TSHR: variants seen among roughly 807,000 people sequenced by gnomAD.
TSHR encodes thyrotropin receptor.
A neutral mutation model predicts 64.1 loss-of-function variants in TSHR; 51 were observed. That is an observed-to-expected ratio of 0.80 (90% CI 0.64 to 1.01). The LOEUF (loss-of-function observed/expected upper bound fraction) is 1.01. Among genes scored for constraint, TSHR ranks in the 50% least tolerant of loss-of-function variants. The pLI, the probability that TSHR is intolerant of heterozygous loss-of-function variation, is 0.00. For missense variants in TSHR, 877 were observed against 942.8 expected, an observed-to-expected ratio of 0.93 and a Z score of 0.91; for synonymous variants, 361 against 361.9, an observed-to-expected ratio of 1.00 and a Z score of 0.03.
chr14:80,957,319 CTAGCCCT>C (rs2139675132), intron 1 of TSHR, among the ~76,000 whole-genome samples: 1 of 152,256 alleles, frequency 6.6e-6, no homozygotes, highest in Non-Finnish European at 1.5e-5. Context: ...GAACCTAACC[CTAGCCCT>C]TAGACATTGT....
intron 1 of TSHR, among the ~76,000 whole-genome samples, chr14:80,975,584 T>A (rs1336483012): frequency 6.6e-6 from 1 of 152,224 alleles, no homozygotes; most frequent in Non-Finnish European, 1.5e-5. Flanking sequence ...CTCTTCTGAT[T>A]TTTTTACTCC....
chr14:81,043,285 C>T (rs1885010783), intron 1 of TSHR, among the ~76,000 whole-genome samples: 1 of 152,058 alleles, frequency 6.6e-6, no homozygotes. Context: ...CATTCCTGTA[C>T]ACAAACAACA....
At chr14:81,099,164 C>A (rs1889407943) in intron 7 of TSHR, among the ~76,000 whole-genome samples, 1 of 152,114 alleles carries the variant, frequency 6.6e-6, no homozygotes, top group Admixed American at 6.6e-5. Context: ...GAGTCCAATA[C>A]AGAGCAAAAG....
intron 7 of TSHR, among the ~76,000 whole-genome samples, chr14:81,099,208 C>CT (rs1889411620): frequency 6.6e-6 from 1 of 151,986 alleles, no homozygotes; most frequent in East Asian, 1.9e-4. Flanking sequence ...CATTATCAGT[C>CT]TTCTTGTCCA....
chr14:81,081,048 G>A (rs1037082102), intron 3 of TSHR, among the ~76,000 whole-genome samples: 6 of 152,158 alleles, frequency 3.9e-5, no homozygotes, highest in Admixed American at 6.5e-5. Context: ...GCAGAGGCAC[G>A]AACCTTTAGT....
At chr14:80,996,710 AG>A (rs1295948140) in intron 1 of TSHR, among the ~76,000 whole-genome samples, 1 of 151,994 alleles carries the variant, frequency 6.6e-6, no homozygotes, top group Non-Finnish European at 1.5e-5. Context: ...GTAGTGGGGG[AG>A]GGGGGACTCT....
At chr14:81,071,583 G>A (rs575541155) in intron 3 of TSHR, among the ~76,000 whole-genome samples, 3 of 152,052 alleles carry the variant, frequency 2.0e-5, no homozygotes, top group South Asian at 4.1e-4. Context: ...GGACAACATA[G>A]TGAGATCTTG....
intron 1 of TSHR, among the ~76,000 whole-genome samples, chr14:81,002,484 G>A (rs1168283793): frequency 6.6e-6 from 1 of 152,164 alleles, no homozygotes; most frequent in African/African-American, 2.4e-5. Flanking sequence ...GTTAATCTAT[G>A]TAAAGTGCTT....
chr14:81,088,986 CTTTTTT>C (rs60086198), intron 4 of TSHR, among the ~76,000 whole-genome samples: 1 of 125,756 alleles, frequency 8.0e-6, no homozygotes, highest in Non-Finnish European at 1.7e-5. Context: ...AAAATAGTTG[CTTTTTT>C]TTTTTTTTTT....
rs1014032729 is a variant in TSHR at position 81,115,455 on chromosome 14, T to C, written c.692+7003T>C. Reference sequence around the variant, plus strand: ...GCGATGGAAGATGAAATGAATGAAATGAAGCGAGAAGGGAAGTTTAGAGAA... The same window carrying C: ...GCGATGGAAGATGAAATGAATGAAACGAAGCGAGAAGGGAAGTTTAGAGAA... On this transcript the variant is annotated intron_variant, in intron 8 of 9. Transcript: ENST00000298171. Among the ~76,000 whole-genome samples, 4 of 142,936 alleles carry C rather than the reference T, an allele frequency of 2.8e-5. 1 individual carries two copies. Among genetic ancestry groups the C allele is most frequent in the African/African-American group, 1.1e-4 (4 of 35,232 alleles). The allele number at this position is 142,936 out of a possible 152,430, so 93.8% of individuals were successfully genotyped here.
In TSHR at chr14:81,143,766, C is replaced by T; in HGVS notation, c.1708C>T (p.Leu570=). 6.2e-7 allele frequency: 1 copy of T among 1,614,030 alleles called. No individual in the cohort carries two copies. Among genetic ancestry groups the T allele is most frequent in the Non-Finnish European group, 8.5e-7 (1 of 1,180,004 alleles). The change falls in exon 10 of 10, where the codon CTG becomes TTG. Residue 570 remains leucine (L), a synonymous_variant. Coordinates refer to ENST00000298171, the MANE Select transcript of TSHR (RefSeq NM_000369.5). Reference sequence around the variant, plus strand: ...TAGCTATGCCAAAGTCAGTATCTGCCTGCCCATGGACACCGAGACCCCTCT... The same window carrying T: ...TAGCTATGCCAAAGTCAGTATCTGCTTGCCCATGGACACCGAGACCCCTCT... ...ISSYAKVSIC[L]PMDTETPLAL... is the part of the protein sequence containing the mutation.
chr14:81,092,695 C>A, intron 6 of TSHR, 87 bp downstream of exon 6: 1 of 1,204,592 alleles, frequency 8.3e-7, no homozygotes, highest in Non-Finnish European at 1.2e-6. Context: ...AAGAGCCATA[C>A]TGCCTTATCA....
chr14:80,962,430 C>T (rs1887085339), intron 1 of TSHR, among the ~76,000 whole-genome samples: 1 of 152,176 alleles, frequency 6.6e-6, no homozygotes, highest in Admixed American at 6.5e-5. Context: ...TGGGACAAAT[C>T]CTTTCTGGCT....
At position 81,143,213 on chromosome 14, in the gene TSHR, T is replaced by C. The variant is rs1891774262; in HGVS notation, c.1155T>C (p.Tyr385=). The C allele has an allele frequency of 6.2e-7, 1 of 1,614,224 alleles. No individual in the cohort carries two copies. The highest frequency in any genetic ancestry group is 1.1e-5 in the South Asian group (1 of 91,080). ...CTCTACAAGCTTTTGACAGCCATTA[T>C]GACTACACCATATGTGGGGACAGTG... ...EETLQAFDSH[Y]DYTICGDSED... The change falls in exon 10 of 10, where the codon TAT becomes TAC. Residue 385 remains tyrosine (Y), a synonymous_variant. Transcript: ENST00000298171.
At chr14:81,108,499 T>C (rs959287746) in intron 8 of TSHR, 47 bp downstream of exon 8, 1 of 1,593,556 alleles carries the variant, frequency 6.3e-7, no homozygotes, top group East Asian at 2.2e-5. Flanking sequence ...TTTTTCTTTT[T>C]TTTTTTTTGG....
chr14:81,125,496 A>T lies in TSHR; in HGVS notation c.693-14183A>T, dbSNP rs550468723. Reference sequence around the variant, plus strand: ...CTCAGCCCTGACTATATTATTGCTGATACCTCTGTCACAGCCACTGAGCTG... The same window carrying T: ...CTCAGCCCTGACTATATTATTGCTGTTACCTCTGTCACAGCCACTGAGCTG... On this transcript the variant is annotated intron_variant, in intron 8 of 9. Transcript: ENST00000298171. 4.6e-5 allele frequency among the ~76,000 whole-genome samples: 7 copies of T among 152,252 alleles called. No homozygotes were observed. The East Asian group carries it at 1.4e-3, about 29-fold the overall frequency.
intron 3 of TSHR, among the ~76,000 whole-genome samples, chr14:81,076,902 C>A (rs562568376): frequency 6.6e-6 from 1 of 152,296 alleles, no homozygotes; most frequent in Non-Finnish European, 1.5e-5. Flanking sequence ...CTGGTTCCTG[C>A]CCACCTCTGC....
intron 6 of TSHR, chr14:81,093,822 C>A (rs1300373730): frequency 6.6e-6 from 1 of 152,204 alleles, no homozygotes; most frequent in Non-Finnish European, 1.5e-5. Flanking sequence ...CTGCTCAGCT[C>A]CAAACTTCAA....
chr14:81,056,890 C>A (rs186062572), intron 1 of TSHR, among the ~76,000 whole-genome samples: 75 of 152,270 alleles, frequency 4.9e-4, no homozygotes, highest in Non-Finnish European at 2.9e-4. Flanking sequence ...AGCAGCAACA[C>A]TGACTAAAAT....
Sources: allele counts gnomAD v4.1 joint callset (sites outside exome capture counted in the v4.1 genomes callset), GRCh38; gene constraint gnomAD v4.1.1; transcripts MANE v1.5; gene names NCBI Gene and HGNC (gene_info 2026-07-23, HGNC 2026-07-21).